The following DNAI7 variants were observed in gnomAD, a reference collection of about 807,000 sequenced individuals.
DNAI7 encodes dynein axonemal intermediate chain 7, also known as cancer susceptibility 1.
A neutral mutation model predicts 86.6 loss-of-function variants in DNAI7; 78 were observed. The observed-to-expected ratio is 0.90, with a 90% CI of 0.75 to 1.09. The LOEUF is 1.09. Ranked by LOEUF, DNAI7 falls within the 50% of genes least tolerant of loss-of-function variation. The probability of loss-of-function intolerance (pLI) is 0.00; values close to 1 mark genes in which losing one functional copy is unlikely to be tolerated. For missense variants in DNAI7, 753 were observed against 810.2 expected, an observed-to-expected ratio of 0.93 and a Z score of 0.86; for synonymous variants, 274 against 273.0, an observed-to-expected ratio of 1.00 and a Z score of -0.04.
intron 9 of DNAI7, among the ~76,000 whole-genome samples, chr12:25,128,460 G>A (rs771308807): frequency 2.0e-4 from 31 of 152,078 alleles, no homozygotes; most frequent in Non-Finnish European, 3.4e-4. Context: ...ACATTGTACC[G>A]CTTGATTCCA....
rs1491148819 is a variant in DNAI7, at chr12:25,174,372, T to TATATATATGGGATATATATATCATATA, written c.22-13176_22-13175insTATATGATATATATATCCCATATATAT. 6.6e-4 allele frequency among the ~76,000 whole-genome samples: 4 copies of TATATATATGGGATATATATATCATATA among 6,056 alleles called. 2 individuals carry two copies. The highest frequency in any genetic ancestry group is 1.0e-3 in the Non-Finnish European group (4 of 3,952). 4.0% of individuals were successfully genotyped at this position (6,056 alleles called of 152,430 possible). Reference sequence around the variant, plus strand: ...ATGATATATATATCCCATATATATGTTATATCATATATATGGGATATATCA... The same window carrying TATATATATGGGATATATATATCATATA: ...ATGATATATATATCCCATATATATGTATATATATGGGATATATATATCATATATATATCATATATATGGGATATATCA... On this transcript the variant is annotated intron_variant, in intron 2 of 15. Transcript: ENST00000395987.
rs1463554657 is a variant in DNAI7 at position 25,119,265 on chromosome 12, G to A, written c.1276C>T (p.Pro426Ser). The A allele has an allele frequency of 1.9e-6, 3 of 1,611,674 alleles. No homozygotes were observed. The African/African-American group carries it at 4.0e-5, about 22-fold the overall frequency. ...KEGLQKYTYP[P>S]ETTEEFETEN... ...GTCTCAAACTCTTCTGTAGTTTCCGGAGGATATGTGTATTTCTGTAATCCT... is the reference window on the plus strand; with the variant it reads ...GTCTCAAACTCTTCTGTAGTTTCCGAAGGATATGTGTATTTCTGTAATCCT... Residue 426 changes from proline to serine, a missense_variant, in exon 12 of 16, where the codon CCG (proline) becomes TCG (serine). Pro to Ser is a moderately conservative substitution (Grantham distance 74). Coordinates refer to ENST00000395987, the MANE Select transcript of DNAI7 (RefSeq NM_018272.5).
At position 25,111,808 on chromosome 12, in the gene DNAI7, A is replaced by G; in HGVS notation, c.1743T>C (p.Thr581=). The G allele has an allele frequency of 1.9e-6, 3 of 1,598,730 alleles. No homozygotes were observed. The highest frequency in any genetic ancestry group is 2.6e-6 in the Non-Finnish European group (3 of 1,173,866). ...LKEAGLNIFP[T]RHSHFYVIIN... is the part of the protein sequence containing the mutation. ...TAATAACATAAAAATGAGAGTGTCTAGTAGGAAAGATATTCAGTCCAGCTT... is the reference window on the plus strand; with the variant it reads ...TAATAACATAAAAATGAGAGTGTCTGGTAGGAAAGATATTCAGTCCAGCTT... Residue 581 remains threonine (T), a synonymous_variant, in exon 14 of 16, where the codon ACT becomes ACC. Transcript: ENST00000395987.
At chr12:25,121,504 A>G (rs576440172) in intron 11 of DNAI7, among the ~76,000 whole-genome samples, 1 of 152,360 alleles carries the variant, frequency 6.6e-6, no homozygotes, top group South Asian at 2.1e-4. Context: ...TGGCACTAAC[A>G]AAACATAATG....
In DNAI7 at chr12:25,194,309, C is replaced by T. The variant is rs753217244; in HGVS notation, c.3+767G>A. Among the ~76,000 whole-genome samples the T allele has an allele frequency of 4.6e-5, 7 of 152,166 alleles. 1 individual carries two copies. In the South Asian group the frequency reaches 8.3e-4, roughly 18 times the overall value. On this transcript the variant is annotated intron_variant, in intron 1 of 15. Transcript: ENST00000395987. ...CTGTATTGTAATTAATTTGTTTAAT[C>T]TGTATCCTATAAGCAGAGTTGTCGT...
chr12:25,107,777 A>G (rs913206313), downstream of DNAI7: 1 of 1,592,556 alleles, frequency 6.3e-7, no homozygotes, highest in African/African-American at 1.3e-5. Flanking sequence ...TCTAATGACA[A>G]ATTACCGATT....
rs532274608 is a variant in DNAI7 at position 25,109,871 on chromosome 12, T to C, written c.1893+256A>G. ...TTTTGTATTTTTGGTAGAAACGGGG[T>C]TTCACCATATTGGTCAGGCTGGTCT... On this transcript the variant is annotated intron_variant, in intron 15 of 15. Coordinates refer to ENST00000395987, the MANE Select transcript of DNAI7 (RefSeq NM_018272.5). 1.6e-4 allele frequency among the ~76,000 whole-genome samples: 25 copies of C among 151,882 alleles called. No homozygotes were observed. The East Asian group carries it at 4.9e-3, about 30-fold the overall frequency.
chr12:25,153,253 T>C (rs569246944), intron 6 of DNAI7, among the ~76,000 whole-genome samples: 22 of 152,076 alleles, frequency 1.4e-4, no homozygotes, highest in African/African-American at 4.3e-4. Context: ...GAAACCTCAT[T>C]TCTACTAAAA....
Position 25,110,135 on chromosome 12 carries a change from C to T in DNAI7, c.1885G>A (p.Val629Ile), listed in dbSNP as rs150985883. ...GTTTCTACATATCATACCTTAAATA[C>T]GACTTTTGTAGAATTACATAGTAGG... ...WNLLCNSTKV[V>I]FKVREHLTEA... Residue 629 changes from valine (V) to isoleucine (I), a missense_variant, in exon 15 of 16, where the codon GTA (valine) becomes ATA (isoleucine). Val to Ile is a conservative substitution (Grantham distance 29, BLOSUM62 3). Transcript: ENST00000395987. 4.1e-5 allele frequency: 64 copies of T among 1,568,654 alleles called. No individual in the cohort carries two copies. Among genetic ancestry groups the T allele is most frequent in the African/African-American group, 2.7e-4 (20 of 74,016 alleles).
At position 25,110,125 on chromosome 12, in the gene DNAI7, A is replaced by G. The variant is rs761873024; in HGVS notation, c.1893+2T>C. 16 of 1,501,336 alleles carry G rather than the reference A, an allele frequency of 1.1e-5. No homozygotes were observed. The highest frequency in any genetic ancestry group is 1.3e-5 in the Non-Finnish European group (14 of 1,078,182). The allele number at this position is 1,501,336 out of a possible 1,614,324, so 93.0% of individuals were successfully genotyped here. On this transcript the variant is annotated splice_donor_variant, in intron 15 of 15. Coordinates refer to ENST00000395987, the MANE Select transcript of DNAI7 (RefSeq NM_018272.5). LOFTEE classifies it high-confidence loss of function. ...AGTTTTATGGGTTTCTACATATCAT[A>G]CCTTAAATACGACTTTTGTAGAATT...
At position 25,108,824 on chromosome 12, in the gene DNAI7, C is replaced by CAAAAAAAAAAAAAAAAA. The variant is rs762585984; in HGVS notation, c.1894-2_1894-1insTTTTTTTTTTTTTTTTT. ...ATGCTTCAGTAAGGTGTTCCCTCACCTAAAAAAAAAAAAAATTCAAGCAAG... is the reference window on the plus strand; with the variant it reads ...ATGCTTCAGTAAGGTGTTCCCTCACCAAAAAAAAAAAAAAAAATAAAAAAAAAAAAAATTCAAGCAAG... On this transcript the variant is annotated splice_acceptor_variant, in intron 15 of 15. Transcript: ENST00000395987. LOFTEE classifies it high-confidence loss of function. 9.7e-5 allele frequency: 11 copies of CAAAAAAAAAAAAAAAAA among 113,530 alleles called. 3 individuals carry two copies. The highest frequency in any genetic ancestry group is 1.5e-4 in the Non-Finnish European group (11 of 74,272). 7.0% of individuals were successfully genotyped at this position (113,530 alleles called of 1,614,324 possible).
chr12:25,143,470 G>T (rs866538938), intron 9 of DNAI7, among the ~76,000 whole-genome samples: 2 of 150,958 alleles, frequency 1.3e-5, no homozygotes, highest in Non-Finnish European at 3.0e-5. Flanking sequence ...GGCTGGTCTC[G>T]AACTCCTGAC....
chr12:25,179,875 A>C (rs1251062055), intron 2 of DNAI7, among the ~76,000 whole-genome samples: 1 of 152,196 alleles, frequency 6.6e-6, no homozygotes, highest in Non-Finnish European at 1.5e-5. Flanking sequence ...CCCCCTAAGA[A>C]CTGGAACATG....
chr12:25,190,850 A>T (rs1950453143), intron 1 of DNAI7, among the ~76,000 whole-genome samples: 1 of 152,212 alleles, frequency 6.6e-6, no homozygotes, highest in African/African-American at 2.4e-5. Flanking sequence ...AAGTATAGAA[A>T]AACTAAGTTC....
intron 9 of DNAI7, among the ~76,000 whole-genome samples, chr12:25,133,230 C>CTAATTGTTA (rs1943143956): frequency 6.6e-6 from 1 of 151,642 alleles, no homozygotes; most frequent in South Asian, 2.1e-4. Context: ...TGCCCCAGCA[C>CTAATTGTTA]CAATTGTTAT....
intron 4 of DNAI7, 94 bp from the exon 5 acceptor site, chr12:25,155,506 C>A: frequency 1.8e-6 from 1 of 551,090 alleles, no homozygotes; most frequent in Non-Finnish European, 3.2e-6. Context: ...AAATATATAA[C>A]TGCAGTTTCA....
At chr12:25,168,487 T>C (rs1422307511) in intron 2 of DNAI7, among the ~76,000 whole-genome samples, 2 of 152,186 alleles carry the variant, frequency 1.3e-5, no homozygotes, top group Non-Finnish European at 2.9e-5. Flanking sequence ...CTCTAATGAC[T>C]TCTCTGCTAG....
intron 9 of DNAI7, among the ~76,000 whole-genome samples, chr12:25,124,668 T>C (rs1565656514): frequency 6.6e-6 from 1 of 152,130 alleles, no homozygotes. Flanking sequence ...AGGCTTGTTG[T>C]ACAGGCAAAC....
At chr12:25,174,436 C>T (rs1193374021) in intron 2 of DNAI7, among the ~76,000 whole-genome samples, 2 of 36,278 alleles carry the variant, frequency 5.5e-5, no homozygotes, top group African/African-American at 1.0e-4. Flanking sequence ...TCATATATAT[C>T]ATATATATGG....
Sources: allele counts gnomAD v4.1 joint callset (sites outside exome capture counted in the v4.1 genomes callset), GRCh38; gene constraint gnomAD v4.1.1; transcripts MANE v1.5; gene names NCBI Gene and HGNC (gene_info 2026-07-23, HGNC 2026-07-21).